The following AGBL4 variants were observed in gnomAD, a reference collection of about 807,000 sequenced individuals.
AGBL4 encodes cytosolic carboxypeptidase 6.
AGBL4 carries 58 observed loss-of-function variants against 66.4 expected under a neutral mutation model. The observed-to-expected ratio is 0.87, with a 90% confidence interval of 0.71 to 1.09. The LOEUF (loss-of-function observed/expected upper bound fraction) is 1.09, where lower values mean the gene tolerates loss of function less well. Ranked by LOEUF, AGBL4 falls within the 50% of genes least tolerant of loss-of-function variation. The probability of loss-of-function intolerance (pLI) is 0.00; values close to 1 mark genes in which losing one functional copy is unlikely to be tolerated. For missense variants in AGBL4, 579 were observed against 631.0 expected (o/e 0.92, Z 0.88); for synonymous variants, 234 against 222.9 (o/e 1.05, Z -0.44).
At chr1:49,928,060 C>G (rs569142530) in intron 1 of AGBL4, among the ~76,000 whole-genome samples, 1 of 151,554 alleles carries the variant, frequency 6.6e-6, no homozygotes, top group East Asian at 1.9e-4. Flanking sequence ...ATATAATTAA[C>G]GAGATAAAAA....
intron 3 of AGBL4, among the ~76,000 whole-genome samples, chr1:49,280,861 T>TA (rs970665354): frequency 1.3e-5 from 2 of 152,054 alleles, no homozygotes; most frequent in African/African-American, 4.8e-5. Context: ...GGGAGATAAA[T>TA]AAAAAACCAG....
chr1:49,426,491 G>A (rs1468312412), intron 3 of AGBL4, among the ~76,000 whole-genome samples: 1 of 152,106 alleles, frequency 6.6e-6, no homozygotes, highest in Non-Finnish European at 1.5e-5. Context: ...TCATAATGGT[G>A]TGGCAATAAT....
At chr1:49,660,696 C>G (rs1387852900) in intron 3 of AGBL4, among the ~76,000 whole-genome samples, 3 of 152,084 alleles carry the variant, frequency 2.0e-5, no homozygotes, top group Non-Finnish European at 4.4e-5. Context: ...GATGTGCAAT[C>G]AAGTCAAATG....
At chr1:49,901,088 A>C (rs1409491775) in intron 1 of AGBL4, among the ~76,000 whole-genome samples, 2 of 152,160 alleles carry the variant, frequency 1.3e-5, no homozygotes, top group Non-Finnish European at 2.9e-5. Flanking sequence ...TTCTTCTTTT[A>C]TCACTCTATA....
chr1:49,489,369 TA>T (rs1647139891), intron 3 of AGBL4, among the ~76,000 whole-genome samples: 1 of 151,924 alleles, frequency 6.6e-6, no homozygotes, highest in Admixed American at 6.6e-5. Flanking sequence ...CTTATTTTTT[TA>T]AATCAGATTA....
At chr1:48,615,423 C>A (rs1645302989) in intron 9 of AGBL4, among the ~76,000 whole-genome samples, 1 of 152,078 alleles carries the variant, frequency 6.6e-6, no homozygotes, top group Non-Finnish European at 1.5e-5. Context: ...GTTGCACCTG[C>A]CTGAGATAGA....
intron 4 of AGBL4, among the ~76,000 whole-genome samples, chr1:49,200,620 T>C (rs1481762786): frequency 1.3e-5 from 2 of 152,214 alleles, no homozygotes; most frequent in African/African-American, 4.8e-5. Flanking sequence ...TTTGCTTCAG[T>C]GGCTCACAGC....
At chr1:49,634,203 A>G (rs1279061654) in intron 3 of AGBL4, among the ~76,000 whole-genome samples, 1 of 151,980 alleles carries the variant, frequency 6.6e-6, no homozygotes, top group African/African-American at 2.4e-5. Context: ...TCCTAATGCT[A>G]TCTCTCCACT....
At chr1:49,223,002 T>C (rs1348594672) in intron 4 of AGBL4, among the ~76,000 whole-genome samples, 1 of 152,160 alleles carries the variant, frequency 6.6e-6, no homozygotes, top group Non-Finnish European at 1.5e-5. Context: ...CATATCCATG[T>C]GGAGAGCCTT....
intron 5 of AGBL4, among the ~76,000 whole-genome samples, chr1:48,976,825 C>T (rs893965463): frequency 1.3e-5 from 2 of 151,922 alleles, no homozygotes; most frequent in African/African-American, 2.4e-5. Context: ...CTTTTTTAGA[C>T]CTTCTAAGGA....
chr1:49,618,333 A>C (rs376925249), intron 3 of AGBL4, among the ~76,000 whole-genome samples: 3 of 152,168 alleles, frequency 2.0e-5, no homozygotes, highest in African/African-American at 7.2e-5. Flanking sequence ...GTGCCTTTAC[A>C]GGAGAATGAT....
At chr1:48,588,656 A>AGTGTGTGTGTGTGT (rs57683318) in intron 10 of AGBL4, among the ~76,000 whole-genome samples, 11,677 of 147,494 alleles carry the variant, frequency 0.079, 546 homozygotes, top group Admixed American at 0.13. Context: ...GAAACAGAGA[A>AGTGTGTGTGTGTGT]GTGTGTGTGT....
chr1:49,044,839 A>G (rs917785472), intron 5 of AGBL4, among the ~76,000 whole-genome samples: 1 of 152,218 alleles, frequency 6.6e-6, no homozygotes, highest in African/African-American at 2.4e-5. Flanking sequence ...AAGGCAGGGA[A>G]ATAAATTCTC....
At chr1:49,331,959 C>G (rs957765297) in intron 3 of AGBL4, among the ~76,000 whole-genome samples, 1 of 152,202 alleles carries the variant, frequency 6.6e-6, no homozygotes, top group Admixed American at 6.5e-5. Flanking sequence ...ACCACCTTTG[C>G]TGTTTGGGCG....
intron 6 of AGBL4, among the ~76,000 whole-genome samples, chr1:48,806,792 C>T (rs1290533216): frequency 6.6e-6 from 1 of 152,210 alleles, no homozygotes; most frequent in Non-Finnish European, 1.5e-5. Context: ...TCTGAGGAAA[C>T]TTGCCAAGGC....
Position 49,155,091 on chromosome 1 carries a change from T to C in AGBL4, c.377+90679A>G, listed in dbSNP as rs930382145. ...TGACAGATGCTACTTTTCAAAAATA[T>C]AGGTTTTAGAGTTAGCACTTATAAC... On this transcript the variant is annotated intron_variant, in intron 4 of 13. Coordinates refer to ENST00000371839, the MANE Select transcript of AGBL4 (RefSeq NM_032785.4). Among the ~76,000 whole-genome samples the C allele has an allele frequency of 2.6e-5, 4 of 152,218 alleles. No individual in the cohort carries two copies. The East Asian group carries it at 5.8e-4, about 22-fold the overall frequency.
chr1:49,130,897 AT>A (rs1645879291), intron 4 of AGBL4, among the ~76,000 whole-genome samples: 1 of 152,116 alleles, frequency 6.6e-6, no homozygotes, highest in Non-Finnish European at 1.5e-5. Context: ...TTACTATATA[AT>A]TCATTAATTA....
At chr1:49,274,717 T>C (rs1644133345) in intron 3 of AGBL4, among the ~76,000 whole-genome samples, 1 of 152,142 alleles carries the variant, frequency 6.6e-6, no homozygotes, top group Non-Finnish European at 1.5e-5. Flanking sequence ...GAAATCATAC[T>C]ATTGGAGTAG....
At chr1:49,690,128 A>T (rs966514436) in intron 3 of AGBL4, among the ~76,000 whole-genome samples, 3 of 150,028 alleles carry the variant, frequency 2.0e-5, no homozygotes, top group South Asian at 2.1e-4. Flanking sequence ...ATGAACATTA[A>T]TTTTTTTTTT....
Sources: gnomAD v4.1 joint callset for allele counts (sites outside exome capture counted in the v4.1 genomes callset) on GRCh38, gnomAD v4.1.1 for gene constraint, MANE v1.5 for transcripts, NCBI Gene and HGNC (gene_info 2026-07-23, HGNC 2026-07-21) for gene names.